GRIK2: variants seen among roughly 807,000 people sequenced by gnomAD.
GRIK2 encodes glutamate receptor ionotropic, kainate 2.
GRIK2 carries 32 observed loss-of-function variants against 100.3 expected under a neutral mutation model. The ratio of observed to expected loss-of-function variants is 0.32; its 90% CI spans 0.24 to 0.43. GRIK2 has a LOEUF of 0.43. Among genes scored for constraint, GRIK2 ranks in the 20% least tolerant of loss-of-function variants. The pLI is 1.00. For missense variants in GRIK2, 843 were observed against 1,114.9 expected (o/e 0.76, Z 3.47); for synonymous variants, 417 against 389.4 (o/e 1.07, Z -0.83).
At chr6:101,714,500 A>G (rs1773928531) in intron 7 of GRIK2, among the ~76,000 whole-genome samples, 1 of 151,732 alleles carries the variant, frequency 6.6e-6, no homozygotes, top group African/African-American at 2.4e-5. Context: ...TTCCAGATAA[A>G]TTCTTTTAAA....
chr6:101,800,052 A>G (rs1385647127), intron 8 of GRIK2, among the ~76,000 whole-genome samples: 1 of 152,154 alleles, frequency 6.6e-6, no homozygotes, highest in Non-Finnish European at 1.5e-5. Flanking sequence ...ATGTAGAGAT[A>G]TAGATTAATA....
At chr6:102,043,023 T>A (rs1261359732) in intron 15 of GRIK2, among the ~76,000 whole-genome samples, 2 of 151,708 alleles carry the variant, frequency 1.3e-5, no homozygotes, top group African/African-American at 2.4e-5. Context: ...ATATACTCTA[T>A]AATTTGAATT....
intron 4 of GRIK2, among the ~76,000 whole-genome samples, chr6:101,646,775 T>C (rs914488455): frequency 6.6e-6 from 1 of 151,872 alleles, no homozygotes; most frequent in African/African-American, 2.4e-5. Flanking sequence ...CACATTTCTG[T>C]CTCTGCTAGC....
chr6:101,525,078 A>C (rs1487139540), intron 2 of GRIK2, among the ~76,000 whole-genome samples: 1 of 152,146 alleles, frequency 6.6e-6, no homozygotes, highest in Non-Finnish European at 1.5e-5. Flanking sequence ...TCAACTCACC[A>C]GTCTAATTGG....
Position 101,406,591 on chromosome 6 carries a change from A to T in GRIK2, c.115+7199A>T, listed in dbSNP as rs147189965. Among the ~76,000 whole-genome samples the T allele has an allele frequency of 3.0e-4, 46 of 152,260 alleles. No individual in the cohort carries two copies. In the East Asian group the frequency reaches 8.5e-3, roughly 28 times the overall value. The stretch of plus-strand genomic sequence containing the variant: ...GTCTCAAGACTGTAGAGTTAGGATG[A>T]GTTTATTAGGATCGATCGATACTGT... On this transcript the variant is annotated intron_variant, in intron 2 of 16. Transcript: ENST00000369134.
chr6:101,770,900 G>A (rs1276097152), intron 7 of GRIK2, among the ~76,000 whole-genome samples: 2 of 152,078 alleles, frequency 1.3e-5, no homozygotes, highest in Non-Finnish European at 2.9e-5. Context: ...ATAGTTTAGT[G>A]ATTGCCTAAA....
At chr6:101,691,361 A>G (rs1772083578) in intron 7 of GRIK2, among the ~76,000 whole-genome samples, 1 of 150,578 alleles carries the variant, frequency 6.6e-6, no homozygotes, top group South Asian at 2.1e-4. Context: ...GTGCAATGAC[A>G]GTCTCTGCTC....
intron 7 of GRIK2, among the ~76,000 whole-genome samples, chr6:101,751,593 A>G (rs1296744081): frequency 6.6e-6 from 1 of 151,918 alleles, no homozygotes; most frequent in Non-Finnish European, 1.5e-5. Context: ...ATTGCCTTAC[A>G]AACTTCATTT....
intron 6 of GRIK2, among the ~76,000 whole-genome samples, chr6:101,684,427 A>C (rs1056473728): frequency 6.6e-6 from 1 of 152,120 alleles, no homozygotes; most frequent in African/African-American, 2.4e-5. Flanking sequence ...ATTCTCATTT[A>C]TAGCTGAACT....
chr6:101,890,888 T>A (rs187793793), intron 12 of GRIK2, among the ~76,000 whole-genome samples: 2 of 151,632 alleles, frequency 1.3e-5, no homozygotes, highest in Non-Finnish European at 2.9e-5. Flanking sequence ...TACGTTTTTT[T>A]AAATATCAAA....
chr6:101,847,902 C>G (rs1177175717), intron 10 of GRIK2, among the ~76,000 whole-genome samples: 1 of 152,062 alleles, frequency 6.6e-6, no homozygotes, highest in Non-Finnish European at 1.5e-5. Flanking sequence ...CTACTTTTCC[C>G]TCTTACCCAC....
intron 4 of GRIK2, among the ~76,000 whole-genome samples, chr6:101,658,934 C>CAGAT (rs1300109939): frequency 3.9e-5 from 6 of 152,130 alleles, no homozygotes; most frequent in African/African-American, 1.2e-4. Flanking sequence ...AGCCCTTTGT[C>CAGAT]AGATAGATAG....
chr6:102,015,477 A>T (rs1466225590), intron 14 of GRIK2, among the ~76,000 whole-genome samples: 1 of 152,106 alleles, frequency 6.6e-6, no homozygotes, highest in Non-Finnish European at 1.5e-5. Context: ...ACACAGTCCT[A>T]CACCAGAGCC....
chr6:101,648,871 C>A (rs1027045311), intron 4 of GRIK2, among the ~76,000 whole-genome samples: 1 of 152,126 alleles, frequency 6.6e-6, no homozygotes, highest in South Asian at 2.1e-4. Context: ...GGAGGCCTCA[C>A]AAACATGGTG....
chr6:101,504,941 CTTG>C (rs1254646321), intron 2 of GRIK2, among the ~76,000 whole-genome samples: 2 of 151,924 alleles, frequency 1.3e-5, no homozygotes, highest in African/African-American at 2.4e-5. Flanking sequence ...AGATATAAAA[CTTG>C]TTGTTAAGTC....
At chr6:101,634,338 G>A (rs1193349380) in intron 4 of GRIK2, among the ~76,000 whole-genome samples, 1 of 152,040 alleles carries the variant, frequency 6.6e-6, no homozygotes, top group East Asian at 1.9e-4. Flanking sequence ...ACTAATCAGT[G>A]GCACATTTAC....
intron 4 of GRIK2, among the ~76,000 whole-genome samples, chr6:101,630,415 G>A (rs1480141467): frequency 6.6e-6 from 1 of 152,088 alleles, no homozygotes; most frequent in African/African-American, 2.4e-5. Flanking sequence ...AGACTAGTGT[G>A]AAATGGTATC....
At chr6:101,876,987 A>G (rs1785896804) in intron 11 of GRIK2, among the ~76,000 whole-genome samples, 1 of 152,052 alleles carries the variant, frequency 6.6e-6, no homozygotes. Context: ...GTTAATTAAA[A>G]GAGTATGTAA....
chr6:101,818,610 C>T, intron 10 of GRIK2, 127 bp downstream of exon 10: 1 of 609,174 alleles, frequency 1.6e-6, no homozygotes, highest in African/African-American at 1.9e-5. Context: ...AATTACTGTA[C>T]AACAGATGAG....
Sources: allele counts gnomAD v4.1 joint callset (sites outside exome capture counted in the v4.1 genomes callset), GRCh38; gene constraint gnomAD v4.1.1; transcripts MANE v1.5; gene names NCBI Gene and HGNC (gene_info 2026-07-23, HGNC 2026-07-21).